UMODL1: variants seen among roughly 807,000 people sequenced by gnomAD.
The protein encoded by UMODL1 is uromodulin like 1.
Under a neutral mutation model 136.3 loss-of-function variants are expected in UMODL1, and 128 were observed. The ratio of observed to expected loss-of-function variants is 0.94; its 90% CI spans 0.81 to 1.09. UMODL1 has a LOEUF of 1.09. UMODL1 is among the 50% of genes least tolerant of loss of function. UMODL1 has a pLI of 0.00. For missense variants in UMODL1, 1,766 were observed against 1,725.6 expected (o/e 1.02, Z -0.41); for synonymous variants, 721 against 720.0 (o/e 1.00, Z -0.02).
At chr21:42,084,635 C>A (rs1166117439) in intron 3 of UMODL1, among the ~76,000 whole-genome samples, 3 of 152,184 alleles carry the variant, frequency 2.0e-5, no homozygotes, top group African/African-American at 7.2e-5. Flanking sequence ...GCCCTGCCAC[C>A]TCAGATATGC....
intron 6 of UMODL1, among the ~76,000 whole-genome samples, chr21:42,093,151 T>C (rs2066512624): frequency 6.6e-6 from 1 of 152,250 alleles, no homozygotes; most frequent in African/African-American, 2.4e-5. Flanking sequence ...TATTTGGCGT[T>C]CTAGAACCCA....
In UMODL1 at chr21:42,078,547, G is replaced by C. The variant is rs854832; in HGVS notation, c.319+2300G>C. Among the ~76,000 whole-genome samples, 18 of 13,080 alleles carry C rather than the reference G, an allele frequency of 1.4e-3. 4 individuals carry two copies. Among genetic ancestry groups the C allele is most frequent in the Non-Finnish European group, 2.3e-3 (15 of 6,590 alleles). The allele number at this position is 13,080 out of a possible 152,430, so 8.6% of individuals were successfully genotyped here. On this transcript the variant is annotated intron_variant, in intron 2 of 22. Coordinates refer to ENST00000408910, the MANE Select transcript of UMODL1 (RefSeq NM_001004416.3). Reference sequence around the variant, plus strand: ...CCTCCATCACCAACAGAAACCAGGCGGGGCCAGCTGACCCCAGAGCAACAC... The same window carrying C: ...CCTCCATCACCAACAGAAACCAGGCCGGGCCAGCTGACCCCAGAGCAACAC...
At chr21:42,093,873 C>A (rs779186561) in intron 6 of UMODL1, 1 of 456,586 alleles carries the variant, frequency 2.2e-6, no homozygotes, top group African/African-American at 2.0e-5. Context: ...CCCCGCAGCA[C>A]GTGGCCTTGA....
At chr21:42,074,501 C>T (rs1569138604) in intron 1 of UMODL1, among the ~76,000 whole-genome samples, 2 of 152,162 alleles carry the variant, frequency 1.3e-5, no homozygotes, top group South Asian at 2.1e-4. Context: ...AGCCCAGGCA[C>T]CACGTCAGGG....
At chr21:42,073,579 A>G (rs549562900) in intron 1 of UMODL1, among the ~76,000 whole-genome samples, 1 of 152,158 alleles carries the variant, frequency 6.6e-6, no homozygotes, top group East Asian at 1.9e-4. Flanking sequence ...GTGGTCCAGC[A>G]CCTGTGTTCT....
intron 9 of UMODL1, among the ~76,000 whole-genome samples, chr21:42,107,094 C>T (rs1288339622): frequency 6.6e-6 from 1 of 152,156 alleles, no homozygotes; most frequent in Non-Finnish European, 1.5e-5. Context: ...CTTTTTGAAC[C>T]CCTCACATCA....
At chr21:42,070,824 A>G (rs1254079673), upstream of UMODL1, among the ~76,000 whole-genome samples, 5 of 152,176 alleles carry the variant, frequency 3.3e-5, no homozygotes, top group African/African-American at 4.8e-5. Context: ...CATTTTTGTG[A>G]CTTTTGAAGT....
Position 42,079,852 on chromosome 21 carries a change from T to C in UMODL1, c.319+3605T>C, listed in dbSNP as rs118010058. Reference sequence around the variant, plus strand: ...TTTGGGGGTTTACCAAGCTGCACTTTAGTATAAGGGAGTTTGTGGCATTTG... The same window carrying C: ...TTTGGGGGTTTACCAAGCTGCACTTCAGTATAAGGGAGTTTGTGGCATTTG... On this transcript the variant is annotated intron_variant, in intron 2 of 22. Coordinates refer to ENST00000408910, the MANE Select transcript of UMODL1 (RefSeq NM_001004416.3). Among the ~76,000 whole-genome samples the C allele has an allele frequency of 3.9e-3, 598 of 152,294 alleles. 4 individuals are homozygous for C. Among genetic ancestry groups the C allele is most frequent in the Non-Finnish European group, 7.5e-3 (510 of 68,018 alleles).
intron 22 of UMODL1, among the ~76,000 whole-genome samples, chr21:42,140,449 A>T (rs220180): frequency 6.6e-6 from 1 of 151,200 alleles, no homozygotes; most frequent in Admixed American, 6.6e-5. Flanking sequence ...CCCAGGTCAC[A>T]TGGCTGGGAG....
intron 1 of UMODL1, among the ~76,000 whole-genome samples, chr21:42,073,027 C>CGT (rs2066248943): frequency 1.3e-5 from 2 of 151,994 alleles, no homozygotes; most frequent in East Asian, 1.9e-4. Context: ...TGTGTGCGCG[C>CGT]GCGCGTGTGT....
rs142346118 is a variant in UMODL1, at chr21:42,114,743, C to T, written c.2362+913C>T. On this transcript the variant is annotated intron_variant, in intron 13 of 22. Coordinates refer to ENST00000408910, the MANE Select transcript of UMODL1 (RefSeq NM_001004416.3). ...GCATGACGTGAATTGTGCACGTTCA[C>T]GAGCAGCTGGAGAGGAGGGAGATCA... 1.9e-4 allele frequency among the ~76,000 whole-genome samples: 29 copies of T among 152,338 alleles called. No individual in the cohort carries two copies. The East Asian group carries it at 3.5e-3, about 18-fold the overall frequency.
intron 17 of UMODL1, among the ~76,000 whole-genome samples, chr21:42,125,490 AC>A (rs2067040053): frequency 6.6e-6 from 1 of 152,176 alleles, no homozygotes; most frequent in African/African-American, 2.4e-5. Flanking sequence ...TGAAGGAGTA[AC>A]CTGCACTGTT....
At chr21:42,106,109 G>A (rs948577056) in intron 9 of UMODL1, among the ~76,000 whole-genome samples, 1 of 152,260 alleles carries the variant, frequency 6.6e-6, no homozygotes, top group Admixed American at 6.5e-5. Context: ...GCCTCAGGCC[G>A]TGCATGGCCG....
chr21:42,083,639 T>G (rs148620161), intron 2 of UMODL1, among the ~76,000 whole-genome samples: 1 of 152,238 alleles, frequency 6.6e-6, no homozygotes, highest in Non-Finnish European at 1.5e-5. Flanking sequence ...CTCCTTGCAC[T>G]ATTGTTCCCC....
At chr21:42,109,530 T>C in intron 9 of UMODL1, 32 bp from the exon 10 acceptor site, 1 of 1,597,446 alleles carries the variant, frequency 6.3e-7, no homozygotes, top group Non-Finnish European at 8.5e-7. Context: ...GGCTGTTTTC[T>C]CATGGGTTTT....
rs753271490 is a variant in UMODL1, at chr21:42,127,180, G to T, written c.3468G>T (p.Glu1156Asp). The T allele has an allele frequency of 1.2e-6, 2 of 1,614,038 alleles. No homozygotes were observed. Among genetic ancestry groups the T allele is most frequent in the African/African-American group, 1.3e-5 (1 of 74,922 alleles). ...QKSNLKVVLT[E>D]CWATPSSNAR... is the part of the protein sequence containing the mutation. ...GCAACCTCAAGGTGGTCCTGACGGA[G>T]TGCTGGGCAACCCCGTCTAGCAACG... The change falls in exon 19 of 23, where the codon GAG becomes GAT. Residue 1156 changes from glutamate to aspartate, a missense_variant. Physicochemically the swap from Glu to Asp is conservative, Grantham distance 45. Transcript: ENST00000408910.
At chr21:42,139,333 T>C (rs762213810) in intron 22 of UMODL1, among the ~76,000 whole-genome samples, 1 of 152,112 alleles carries the variant, frequency 6.6e-6, no homozygotes, top group Non-Finnish European at 1.5e-5. Context: ...ACGTCTTCCA[T>C]GGCTGGAGCA....
Position 42,127,179 on chromosome 21 carries a change from AGT to A in UMODL1, c.3469_3470del (p.Cys1157LeufsTer6). On this transcript the variant is annotated frameshift_variant, in exon 19 of 23. Transcript: ENST00000408910. LOFTEE classifies it high-confidence loss of function. ...AGCAACCTCAAGGTGGTCCTGACGG[AGT>A]GCTGGGCAACCCCGTCTAGCAACGC... The A allele has an allele frequency of 6.2e-7, 1 of 1,614,114 alleles. No individual in the cohort carries two copies. Among genetic ancestry groups the A allele is most frequent in the Non-Finnish European group, 8.5e-7 (1 of 1,180,032 alleles).
chr21:42,074,997 G>A (rs986465769), intron 1 of UMODL1, among the ~76,000 whole-genome samples: 139 of 152,082 alleles, frequency 9.1e-4, no homozygotes, highest in African/African-American at 3.2e-3. Flanking sequence ...CGCCTCCTGG[G>A]TTCACGCCAT....
Sources: allele counts gnomAD v4.1 joint callset (sites outside exome capture counted in the v4.1 genomes callset), GRCh38; gene constraint gnomAD v4.1.1; transcripts MANE v1.5; gene names NCBI Gene and HGNC (gene_info 2026-07-23, HGNC 2026-07-21).